The following EXOC6B variants were observed in gnomAD, a reference collection of about 807,000 sequenced individuals.
EXOC6B encodes SEC15 homolog B.
EXOC6B carries 54 observed loss-of-function variants against 113.5 expected under a neutral mutation model. The ratio of observed to expected loss-of-function variants is 0.48; its 90% confidence interval spans 0.38 to 0.60. EXOC6B has a LOEUF of 0.60. Among genes scored for constraint, EXOC6B ranks in the 20% least tolerant of loss-of-function variants. The pLI, the probability that EXOC6B is intolerant of heterozygous loss-of-function variation, is 0.00. For synonymous variants in EXOC6B, 357 were observed against 339.0 expected (o/e 1.05, Z -0.58); for missense variants, 797 against 977.5 (o/e 0.82, Z 2.46).
chr2:72,217,099 C>T (rs896080399), intron 20 of EXOC6B, among the ~76,000 whole-genome samples: 1 of 151,848 alleles, frequency 6.6e-6, no homozygotes, highest in Non-Finnish European at 1.5e-5. Context: ...GGTATTCTCC[C>T]CTCTCCTATT....
chr2:72,372,591 A>T (rs148022100), intron 19 of EXOC6B, among the ~76,000 whole-genome samples: 1,966 of 152,220 alleles, frequency 0.013, 23 homozygotes, highest in Non-Finnish European at 0.018. Flanking sequence ...CACACCTGTA[A>T]TCCCAGCACT....
Position 72,177,050 on chromosome 2 carries a change from T to C in EXOC6B, c.*2285A>G, listed in dbSNP as rs1325025881. ...GGCCCACCAAGAGTATGTCTCTACA[T>C]ACAACTCAGTAGCTGCATGTTGTTT... is the stretch of plus-strand genomic sequence containing the variant. On this transcript the variant is annotated 3_prime_UTR_variant, in exon 22 of 22. Transcript: ENST00000272427. The C allele has an allele frequency of 6.6e-6, 1 of 152,208 alleles. No individual in the cohort carries two copies. Among genetic ancestry groups the C allele is most frequent in the Non-Finnish European group, 1.5e-5 (1 of 68,038 alleles). 9.4% of individuals were successfully genotyped at this position (152,208 alleles called of 1,614,324 possible).
rs1000522266 is a variant in EXOC6B, at chr2:72,290,433, T to C, written c.2196+44514A>G. Among the ~76,000 whole-genome samples, 5 of 152,224 alleles carry C rather than the reference T, an allele frequency of 3.3e-5. No individual in the cohort carries two copies. The East Asian group carries it at 7.7e-4, about 24-fold the overall frequency. ...AAGTAAATGAAGACCATAAGAATAA[T>C]TACAATTTTTCAAACAAGTCTCAAA... is the stretch of plus-strand genomic sequence containing the variant. On this transcript the variant is annotated intron_variant, in intron 20 of 21. Coordinates refer to ENST00000272427, the MANE Select transcript of EXOC6B (RefSeq NM_015189.3).
chr2:72,460,540 G>T (rs1452498677), intron 18 of EXOC6B, among the ~76,000 whole-genome samples: 1 of 152,238 alleles, frequency 6.6e-6, no homozygotes, highest in East Asian at 1.9e-4. Context: ...ATCAAAAAGT[G>T]GGTGAAAGAC....
At chr2:72,287,550 C>T (rs763564716) in intron 20 of EXOC6B, among the ~76,000 whole-genome samples, 2 of 151,190 alleles carry the variant, frequency 1.3e-5, no homozygotes, top group Admixed American at 6.6e-5. Flanking sequence ...GATAAACCTC[C>T]GTCAATAATG....
chr2:72,414,926 G>C (rs1694428536), intron 18 of EXOC6B, among the ~76,000 whole-genome samples: 2 of 151,590 alleles, frequency 1.3e-5, no homozygotes, highest in Non-Finnish European at 2.9e-5. Context: ...TTTTTGTTTT[G>C]GTAGAGACAA....
At chr2:72,393,975 C>A (rs916776699) in intron 18 of EXOC6B, among the ~76,000 whole-genome samples, 15 of 152,028 alleles carry the variant, frequency 9.9e-5, no homozygotes, top group Non-Finnish European at 1.5e-4. Flanking sequence ...AACCAATATA[C>A]ACTTTAAATG....
chr2:72,660,555 C>T (rs1217209820), intron 6 of EXOC6B, among the ~76,000 whole-genome samples: 1 of 152,132 alleles, frequency 6.6e-6, no homozygotes, highest in Non-Finnish European at 1.5e-5. Context: ...ATAACTATGG[C>T]AACATCAAGA....
At chr2:72,211,993 A>T (rs1000968772) in intron 20 of EXOC6B, among the ~76,000 whole-genome samples, 2 of 151,034 alleles carry the variant, frequency 1.3e-5, no homozygotes, top group South Asian at 2.2e-4. Context: ...CACAGATGGG[A>T]GTGTGTGGAA....
At chr2:72,731,659 T>C (rs1680651818) in intron 3 of EXOC6B, among the ~76,000 whole-genome samples, 1 of 152,212 alleles carries the variant, frequency 6.6e-6, no homozygotes, top group African/African-American at 2.4e-5. Context: ...CATACCATAA[T>C]ATAACTAGAA....
At chr2:72,261,441 T>C (rs1395623787) in intron 20 of EXOC6B, among the ~76,000 whole-genome samples, 1 of 152,224 alleles carries the variant, frequency 6.6e-6, no homozygotes, top group Non-Finnish European at 1.5e-5. Flanking sequence ...AGTTTGGGTT[T>C]GCCTATTTAC....
chr2:72,218,424 A>ATG (rs376379750), intron 20 of EXOC6B, among the ~76,000 whole-genome samples: 4 of 152,080 alleles, frequency 2.6e-5, no homozygotes, highest in Non-Finnish European at 4.4e-5. Context: ...AGAACATAAT[A>ATG]TGTGTGTGTG....
At chr2:72,403,151 T>G (rs183909861) in intron 18 of EXOC6B, among the ~76,000 whole-genome samples, 16 of 152,364 alleles carry the variant, frequency 1.1e-4, no homozygotes, top group Admixed American at 7.8e-4. Context: ...GCACTTAGCA[T>G]GCACATGGCT....
chr2:72,475,293 G>C (rs1415194214), intron 17 of EXOC6B, among the ~76,000 whole-genome samples: 1 of 152,102 alleles, frequency 6.6e-6, no homozygotes, highest in Non-Finnish European at 1.5e-5. Context: ...TGAACCCCTG[G>C]GGCAGCCAGC....
intron 1 of EXOC6B, among the ~76,000 whole-genome samples, chr2:72,770,380 G>T (rs1235191121): frequency 6.6e-6 from 1 of 152,070 alleles, no homozygotes; most frequent in Non-Finnish European, 1.5e-5. Flanking sequence ...GAAAATCCTT[G>T]TAGCAAAATG....
chr2:72,332,515 A>G (rs944447687), intron 20 of EXOC6B, among the ~76,000 whole-genome samples: 6 of 152,106 alleles, frequency 3.9e-5, no homozygotes, highest in Non-Finnish European at 7.4e-5. Flanking sequence ...CCAAATAAAA[A>G]TATAAAGATT....
At chr2:72,270,141 G>A (rs1221485715) in intron 20 of EXOC6B, among the ~76,000 whole-genome samples, 2 of 152,074 alleles carry the variant, frequency 1.3e-5, no homozygotes, top group Non-Finnish European at 2.9e-5. Context: ...ATAGCTGGTG[G>A]CAACTCTGGA....
chr2:72,446,409 G>A (rs1434771706), intron 18 of EXOC6B, among the ~76,000 whole-genome samples: 2 of 151,316 alleles, frequency 1.3e-5, no homozygotes, highest in Non-Finnish European at 1.5e-5. Context: ...AGAAAGAAAA[G>A]GTGGTATATA....
At chr2:72,341,639 C>T (rs534401497) in intron 19 of EXOC6B, among the ~76,000 whole-genome samples, 23 of 152,056 alleles carry the variant, frequency 1.5e-4, no homozygotes, top group Non-Finnish European at 7.4e-5. Flanking sequence ...TACAGCAATA[C>T]GATGACAGGG....
Sources: allele counts gnomAD v4.1 joint callset (sites outside exome capture counted in the v4.1 genomes callset), GRCh38; gene constraint gnomAD v4.1.1; transcripts MANE v1.5; gene names NCBI Gene and HGNC (gene_info 2026-07-23, HGNC 2026-07-21).